Variants in GPHN observed in about 807,000 individuals in gnomAD.
GPHN encodes the protein gephyrin.
GPHN carries 17 observed loss-of-function variants against 95.5 expected under a neutral mutation model. The observed-to-expected ratio is 0.18, with a 90% confidence interval of 0.12 to 0.27. The LOEUF is 0.27. GPHN is among the 10% of genes least tolerant of loss of function. GPHN has a pLI of 1.00. For synonymous variants in GPHN, 320 were observed against 322.5 expected (o/e 0.99, Z 0.08); for missense variants, 660 against 978.1 (o/e 0.67, Z 4.34).
At chr14:67,148,511 C>A (rs185995626) in intron 18 of GPHN, among the ~76,000 whole-genome samples, 5 of 151,524 alleles carry the variant, frequency 3.3e-5, no homozygotes, top group Non-Finnish European at 7.4e-5. Context: ...TTTAAGAGGA[C>A]CTGCAAGGTC....
chr14:66,861,177 A>T (rs1012978805), intron 4 of GPHN, among the ~76,000 whole-genome samples: 1 of 152,132 alleles, frequency 6.6e-6, no homozygotes, highest in Non-Finnish European at 1.5e-5. Context: ...AACTGAAAAT[A>T]AAAAGATGGA....
In GPHN at chr14:67,155,847, A is replaced by G. The variant is rs2081552255; in HGVS notation, c.1837-3568A>G. On this transcript the variant is annotated intron_variant, in intron 18 of 22. Coordinates refer to ENST00000478722, the MANE Select transcript of GPHN (RefSeq NM_020806.5). ...GTAATCAGCAAAACTACTGAAAACT[A>G]AAGACGGAGAAAATTTTACCAGAAG... Among the ~76,000 whole-genome samples, 3 of 152,202 alleles carry G rather than the reference A, an allele frequency of 2.0e-5. No individual in the cohort carries two copies. The South Asian group carries it at 6.2e-4, about 31-fold the overall frequency.
chr14:66,840,197 T>A (rs1373244104), intron 4 of GPHN, among the ~76,000 whole-genome samples: 1 of 152,154 alleles, frequency 6.6e-6, no homozygotes, highest in East Asian at 1.9e-4. Flanking sequence ...GAGAATCATT[T>A]GTACCCAGTA....
At chr14:67,305,835 T>C in the GPHN span, among the ~76,000 whole-genome samples, 1 of 152,366 alleles carries the variant, frequency 6.6e-6, no homozygotes, top group Admixed American at 6.5e-5. Flanking sequence ...AATAAAAGGC[T>C]GGTTTAATCT....
chr14:67,476,838 G>A, the GPHN span, among the ~76,000 whole-genome samples: 7 of 151,938 alleles, frequency 4.6e-5, no homozygotes, highest in South Asian at 2.1e-4. Flanking sequence ...AAAAATGCTC[G>A]ATAGTGGCTG....
intron 1 of GPHN, among the ~76,000 whole-genome samples, chr14:66,629,068 CA>C (rs1250572063): frequency 6.8e-5 from 8 of 118,118 alleles, no homozygotes; most frequent in East Asian, 2.3e-4. Flanking sequence ...GACCCCATCT[CA>C]AAAAAAAATA....
the GPHN span, chr14:67,359,747 G>T: frequency 1.2e-6 from 2 of 1,609,286 alleles, no homozygotes; most frequent in South Asian, 1.1e-5. Flanking sequence ...AACCGAGGCT[G>T]CAATAGCTCC....
chr14:66,721,054 C>T (rs114671568), intron 2 of GPHN, among the ~76,000 whole-genome samples: 306 of 152,266 alleles, frequency 2.0e-3, no homozygotes, highest in African/African-American at 7.2e-3. Flanking sequence ...TCTTATTCTG[C>T]TGTATCTTGG....
At chr14:67,707,640 G>T in the GPHN span, among the ~76,000 whole-genome samples, 1 of 152,136 alleles carries the variant, frequency 6.6e-6, no homozygotes, top group African/African-American at 2.4e-5. Context: ...TGTTGGCCAG[G>T]CTGGTAAGAA....
the GPHN span, among the ~76,000 whole-genome samples, chr14:67,476,495 A>G: frequency 3.3e-5 from 5 of 152,058 alleles, no homozygotes; most frequent in African/African-American, 9.7e-5. Context: ...GCTGAGGCAG[A>G]AAAATTGCTT....
intron 4 of GPHN, among the ~76,000 whole-genome samples, chr14:66,851,345 A>AC (rs1316490493): frequency 6.6e-6 from 1 of 151,660 alleles, no homozygotes. Context: ...ACTACAGATT[A>AC]CTTTTTTTTT....
chr14:67,432,711 T>C, the GPHN span, among the ~76,000 whole-genome samples: 1 of 152,170 alleles, frequency 6.6e-6, no homozygotes, highest in Non-Finnish European at 1.5e-5. Context: ...AACCAAGGTG[T>C]TGGCAGAGTT....
intron 17 of GPHN, among the ~76,000 whole-genome samples, chr14:67,123,012 T>A (rs1008584772): frequency 2.0e-5 from 3 of 152,214 alleles, no homozygotes; most frequent in Non-Finnish European, 4.4e-5. Flanking sequence ...GTCTACACTT[T>A]CTAAACATCC....
chr14:66,706,546 AAAAC>A (rs1444117348), intron 2 of GPHN, among the ~76,000 whole-genome samples: 1 of 152,224 alleles, frequency 6.6e-6, no homozygotes, highest in East Asian at 1.9e-4. Flanking sequence ...AAAGCTGAAA[AAAAC>A]AAGCAATGGG....
the GPHN span, among the ~76,000 whole-genome samples, chr14:67,220,243 C>G: frequency 6.6e-6 from 1 of 151,980 alleles, no homozygotes; most frequent in African/African-American, 2.4e-5. Context: ...CAAGACCACC[C>G]TGGGCAATAT....
At chr14:67,440,424 G>T in the GPHN span, among the ~76,000 whole-genome samples, 3 of 151,868 alleles carry the variant, frequency 2.0e-5, no homozygotes, top group Non-Finnish European at 4.4e-5. Flanking sequence ...AAAAATTTCT[G>T]CCCCACTCAC....
At chr14:67,575,874 C>A in the GPHN span, 1 of 1,613,958 alleles carries the variant, frequency 6.2e-7, no homozygotes, top group Non-Finnish European at 8.5e-7. Context: ...GGAAGTAGAT[C>A]GATCCTGTGA....
chr14:66,708,054 A>AC (rs2153420325), intron 2 of GPHN, among the ~76,000 whole-genome samples: 1 of 152,294 alleles, frequency 6.6e-6, no homozygotes, highest in African/African-American at 2.4e-5. Flanking sequence ...AGTTTGACTA[A>AC]AGATTTCCAA....
chr14:67,265,134 AGTT>A, the GPHN span, among the ~76,000 whole-genome samples: 1 of 152,232 alleles, frequency 6.6e-6, no homozygotes, highest in African/African-American at 2.4e-5. Context: ...TGAAAATAGC[AGTT>A]GTTTCTTTGG....
Sources: gnomAD v4.1 joint callset for allele counts (sites outside exome capture counted in the v4.1 genomes callset) on GRCh38, gnomAD v4.1.1 for gene constraint, MANE v1.5 for transcripts, NCBI Gene and HGNC (gene_info 2026-07-23, HGNC 2026-07-21) for gene names.